BIRC6: variants seen among roughly 807,000 people sequenced by gnomAD.
BIRC6 encodes dual E2 ubiquitin-conjugating enzyme/E3 ubiquitin-protein ligase BIRC6.
In BIRC6, 98 loss-of-function variants were observed where a neutral mutation model predicts 503.3. That is an observed-to-expected ratio of 0.19 (90% CI 0.17 to 0.23). The LOEUF (loss-of-function observed/expected upper bound fraction) is 0.23, where lower values mean the gene tolerates loss of function less well. Among genes scored for constraint, BIRC6 ranks in the 10% least tolerant of loss-of-function variants. The pLI, the probability that BIRC6 is intolerant of heterozygous loss-of-function variation, is 1.00. For missense variants in BIRC6, 5,360 were observed against 5,806.0 expected (o/e 0.92, Z 2.50); for synonymous variants, 2,240 against 2,078.7 (o/e 1.08, Z -2.11).
In BIRC6 at chr2:32,481,323, C is replaced by T. The variant is rs1367533475; in HGVS notation, c.7412C>T (p.Ala2471Val). The change falls in exon 38 of 74, where the codon GCA (alanine) becomes GTA (valine). Residue 2471 changes from alanine to valine, a missense_variant. This residue lies in a region of BIRC6 where 2,299 missense variants were observed against 2,267.2 expected (regional missense o/e 1.01). Transcript: ENST00000421745. ...GATCACTTTTAATTATTTGAAGGTG[C>T]ACCTCCTCTGTCCTCTTTGGAAAAA... ...DEPLTHDITG[A>V]PPLSSLEKDK... The T allele has an allele frequency of 5.0e-6, 8 of 1,589,736 alleles. No homozygotes were observed. The highest frequency in any genetic ancestry group is 4.6e-5 in the East Asian group (2 of 43,682).
At chr2:32,472,080 T>C (rs557749478) in intron 32 of BIRC6, among the ~76,000 whole-genome samples, 29 of 152,244 alleles carry the variant, frequency 1.9e-4, no homozygotes, top group Non-Finnish European at 4.1e-4. Context: ...TACATTCATA[T>C]TGAGAAAGTC....
intron 23 of BIRC6, among the ~76,000 whole-genome samples, chr2:32,459,465 A>G (rs1340298777): frequency 6.6e-6 from 1 of 152,176 alleles, no homozygotes; most frequent in East Asian, 1.9e-4. Context: ...GTATGTACCT[A>G]TGAGTACAAC....
intron 50 of BIRC6, 62 bp from the exon 51 acceptor site, chr2:32,507,917 TA>T (rs1220757538): frequency 5.1e-5 from 74 of 1,452,340 alleles, no homozygotes; most frequent in Non-Finnish European, 6.7e-5. Flanking sequence ...ACTGGGATTT[TA>T]ATAAACTGTT....
intron 6 of BIRC6, among the ~76,000 whole-genome samples, chr2:32,400,172 G>A (rs188060029): frequency 6.6e-6 from 1 of 152,098 alleles, no homozygotes; most frequent in East Asian, 1.9e-4. Context: ...TTTGAAAGAA[G>A]TAGTGTATAA....
In BIRC6 at chr2:32,470,205, CT is replaced by C; in HGVS notation, c.6387del (p.Ser2130ValfsTer6). The C allele has an allele frequency of 1.3e-6, 2 of 1,570,572 alleles. No homozygotes were observed. The highest frequency in any genetic ancestry group is 2.3e-5 in the East Asian group (1 of 43,638). ...MLLSCIGQRS[L>X]SNSGVLESLL... is the part of the protein sequence containing the mutation. ...ACTTTCCTGCATTGGTCAAAGATCA[CT>C]TAGTAATAGTGGAGTATTAGAAAGC... On this transcript the variant is annotated frameshift_variant, in exon 31 of 74. Coordinates refer to ENST00000421745, the MANE Select transcript of BIRC6 (RefSeq NM_016252.4). LOFTEE classifies it high-confidence loss of function.
intron 40 of BIRC6, among the ~76,000 whole-genome samples, chr2:32,487,254 T>C (rs1424327003): frequency 6.6e-6 from 1 of 152,186 alleles, no homozygotes; most frequent in African/African-American, 2.4e-5. Flanking sequence ...TTCTAATCTA[T>C]AGTCAAGGTT....
rs774621298 is a variant in BIRC6, at chr2:32,429,305, T to C, written c.3022+10T>C. 1.9e-5 allele frequency: 28 copies of C among 1,470,782 alleles called. No homozygotes were observed. In the South Asian group the frequency reaches 3.9e-4, roughly 20 times the overall value. The allele number at this position is 1,470,782 out of a possible 1,614,324, so 91.1% of individuals were successfully genotyped here. A position where few individuals can be genotyped will look rare whatever the true frequency, so the allele number is the denominator to read the frequency against. On this transcript the variant is annotated intron_variant, in intron 11 of 73. Coordinates refer to ENST00000421745, the MANE Select transcript of BIRC6 (RefSeq NM_016252.4). ...AGTCCTGGCATTTCAGGTATGATATTAAATTTTTAAATGATTTTAAAAAAA... is the reference window on the plus strand; with the variant it reads ...AGTCCTGGCATTTCAGGTATGATATCAAATTTTTAAATGATTTTAAAAAAA...
intron 39 of BIRC6, among the ~76,000 whole-genome samples, chr2:32,483,476 T>C (rs1250146141): frequency 6.6e-6 from 1 of 152,202 alleles, no homozygotes; most frequent in Non-Finnish European, 1.5e-5. Flanking sequence ...CATATATACA[T>C]ATCAAGAAGT....
At chr2:32,584,288 G>C (rs141222182) in intron 66 of BIRC6, among the ~76,000 whole-genome samples, 2 of 152,020 alleles carry the variant, frequency 1.3e-5, no homozygotes, top group Admixed American at 1.3e-4. Context: ...CCAGCCCTTC[G>C]GGAGGCCAAG....
Position 32,415,501 on chromosome 2 carries a change from C to T in BIRC6, c.2210C>T (p.Thr737Ile), listed in dbSNP as rs762849875. 6.2e-7 allele frequency: 1 copy of T among 1,614,036 alleles called. No individual in the cohort carries two copies. Among genetic ancestry groups the T allele is most frequent in the Admixed American group, 1.7e-5 (1 of 60,024 alleles). The change falls in exon 10 of 74, where the codon ACT becomes ATT. Residue 737 changes from threonine to isoleucine, a missense_variant. Thr to Ile is a moderately conservative substitution (Grantham distance 89). This residue lies in a region of BIRC6 where 700 missense variants were observed against 739.3 expected (regional missense o/e 0.95). Coordinates refer to ENST00000421745, the MANE Select transcript of BIRC6 (RefSeq NM_016252.4). ...GAGAATCTTTGTATAGACTCAATAACTCCTTGTGCTGACGGAATTCATTTG... is the reference window on the plus strand; with the variant it reads ...GAGAATCTTTGTATAGACTCAATAATTCCTTGTGCTGACGGAATTCATTTG... ...EEENLCIDSI[T>I]PCADGIHLLV...
At chr2:32,405,331 A>G (rs2041076149) in intron 8 of BIRC6, among the ~76,000 whole-genome samples, 1 of 152,214 alleles carries the variant, frequency 6.6e-6, no homozygotes. Flanking sequence ...TTTGTAAATT[A>G]CAGCATTAAA....
chr2:32,490,175 T>C, intron 43 of BIRC6, 24 bp downstream of exon 43: 1 of 1,516,282 alleles, frequency 6.6e-7, no homozygotes, highest in Non-Finnish European at 9.2e-7. Context: ...TTTATTCATT[T>C]AAATCTCTGA....
At chr2:32,523,955 G>C (rs1178882296) in intron 57 of BIRC6, among the ~76,000 whole-genome samples, 23 of 151,686 alleles carry the variant, frequency 1.5e-4, no homozygotes, top group Non-Finnish European at 4.4e-5. Flanking sequence ...GAGGTGAGAT[G>C]ATCACTTGAG....
intron 53 of BIRC6, among the ~76,000 whole-genome samples, chr2:32,512,156 T>A (rs2054517134): frequency 6.6e-6 from 1 of 152,260 alleles, no homozygotes. Flanking sequence ...TTCTGAATTC[T>A]CTTTATTCCC....
chr2:32,566,010 T>C (rs1334442441), intron 65 of BIRC6: 1 of 152,146 alleles, frequency 6.6e-6, no homozygotes, highest in Non-Finnish European at 1.5e-5. Context: ...CCATATCACA[T>C]AGTCTCCCTC....
chr2:32,485,538 A>G (rs1261824902), intron 39 of BIRC6, 105 bp from the exon 40 acceptor site: 5 of 695,298 alleles, frequency 7.2e-6, no homozygotes, highest in South Asian at 4.0e-5. Flanking sequence ...GTAAGAACAC[A>G]CTCTTCATCC....
At chr2:32,373,343 T>C (rs1200785483) in intron 1 of BIRC6, among the ~76,000 whole-genome samples, 1 of 152,196 alleles carries the variant, frequency 6.6e-6, no homozygotes, top group Admixed American at 6.5e-5. Flanking sequence ...AAATTTAGTA[T>C]GAAGCTACAG....
chr2:32,426,390 G>T (rs988226313), intron 10 of BIRC6, among the ~76,000 whole-genome samples: 4 of 152,140 alleles, frequency 2.6e-5, no homozygotes, highest in Admixed American at 2.6e-4. Context: ...ATCACCTAAG[G>T]TCAGGAGTTC....
chr2:32,395,423 A>G (rs914730275), intron 5 of BIRC6, 88 bp from the exon 6 acceptor site: 5 of 1,069,668 alleles, frequency 4.7e-6, no homozygotes, highest in Non-Finnish European at 6.8e-6. Flanking sequence ...TTTTACTTAA[A>G]ATTATGAACT....
Sources: gnomAD v4.1 joint callset for allele counts (sites outside exome capture counted in the v4.1 genomes callset) on GRCh38, gnomAD v4.1.1 for gene constraint, gnomAD v4.1.1 regional missense constraint, MANE v1.5 for transcripts, NCBI Gene and HGNC (gene_info 2026-07-23, HGNC 2026-07-21) for gene names.